The following ZNF106 variants were observed in gnomAD, a reference collection of about 807,000 sequenced individuals.
The protein encoded by ZNF106 is SH3-domain binding protein 3.
A neutral mutation model predicts 195.1 loss-of-function variants in ZNF106; 67 were observed. That is an observed-to-expected ratio of 0.34 (90% confidence interval 0.28 to 0.42). The LOEUF (loss-of-function observed/expected upper bound fraction) is 0.42, where lower values mean the gene tolerates loss of function less well. Ranked by LOEUF, ZNF106 falls within the 10% of genes least tolerant of loss-of-function variation. The pLI, the probability that ZNF106 is intolerant of heterozygous loss-of-function variation, is 1.00. For missense variants in ZNF106, 2,118 were observed against 2,304.5 expected (o/e 0.92, Z 1.66); for synonymous variants, 784 against 818.6 (o/e 0.96, Z 0.72).
Position 42,416,224 on chromosome 15 carries a change from T to G in ZNF106, c.*1080A>C, listed in dbSNP as rs976181038. On this transcript the variant is annotated 3_prime_UTR_variant, in exon 22 of 22. Transcript: ENST00000564754. ...TAGCAGGGAAGTGAAGGCAAAGAAC[T>G]GTCTCAGAAACAAGTCTCTAGGAAG... 1.3e-5 allele frequency: 2 copies of G among 152,204 alleles called. No individual in the cohort carries two copies. The highest frequency in any genetic ancestry group is 4.8e-5 in the African/African-American group (2 of 41,424). The allele number at this position is 152,204 out of a possible 1,614,324, so 9.4% of individuals were successfully genotyped here.
chr15:42,470,667 T>C (rs574142567), intron 2 of ZNF106, among the ~76,000 whole-genome samples: 1 of 152,262 alleles, frequency 6.6e-6, no homozygotes, highest in East Asian at 1.9e-4. Context: ...CAGAAAGATT[T>C]AAAATGGCAA....
rs552325544 is a variant in ZNF106, at chr15:42,431,389, CTT to C, written c.4882-3257_4882-3256del. 1.4e-3 allele frequency among the ~76,000 whole-genome samples: 170 copies of C among 121,054 alleles called. 1 individual carries two copies. The highest frequency in any genetic ancestry group is 4.2e-3 in the African/African-American group (139 of 33,264). 79.4% of individuals were successfully genotyped at this position (121,054 alleles called of 152,430 possible). On this transcript the variant is annotated intron_variant, in intron 14 of 21. Coordinates refer to ENST00000564754, the MANE Select transcript of ZNF106 (RefSeq NM_001366845.3). ...TGATCGTTAATGATGTTATACGGTT[CTT>C]TTTTTTTTTTTTTTTTCTTGAAATG... is the stretch of plus-strand genomic sequence containing the variant.
Position 42,435,427 on chromosome 15 carries a change from T to TA in ZNF106, c.4837dup (p.Tyr1613LeufsTer6). The TA allele has an allele frequency of 6.2e-7, 1 of 1,614,154 alleles. No homozygotes were observed. The highest frequency in any genetic ancestry group is 8.5e-7 in the Non-Finnish European group (1 of 1,180,032). ...GATGGTATGGTCACTGGACCCGGTG[T>TA]AAAGGGCAGCATTCTTCCCGGAGGT... On this transcript the variant is annotated frameshift_variant, in exon 14 of 22. Coordinates refer to ENST00000564754, the MANE Select transcript of ZNF106 (RefSeq NM_001366845.3). LOFTEE classifies it high-confidence loss of function.
At chr15:42,459,173 T>C (rs2056323478) in intron 3 of ZNF106, among the ~76,000 whole-genome samples, 2 of 152,208 alleles carry the variant, frequency 1.3e-5, no homozygotes, top group Middle Eastern at 6.8e-3. Context: ...ACTACATTTA[T>C]ACACTTAAAG....
At chr15:42,456,247 C>T (rs750208772) in intron 4 of ZNF106, among the ~76,000 whole-genome samples, 3 of 152,106 alleles carry the variant, frequency 2.0e-5, no homozygotes, top group Admixed American at 1.3e-4. Flanking sequence ...GTTATTTTGG[C>T]GATACGACTA....
Position 42,417,816 on chromosome 15 carries a change from C to G in ZNF106, c.5653G>C (p.Gly1885Arg), listed in dbSNP as rs761557762. ...TCCCACTAATGTACCTGTTTGGATCCTTTCCTAGCAGTGAAAAAAGCATCG... is the reference window on the plus strand; with the variant it reads ...TCCCACTAATGTACCTGTTTGGATCGTTTCCTAGCAGTGAAAAAAGCATCG... ...NCDAFFTARK[G>R]SKQDAAGHIE... Residue 1885 changes from glycine (G) to arginine (R), a missense_variant, in exon 21 of 22, where the codon GGA (glycine) becomes CGA (arginine). Gly to Arg is a moderately radical substitution (Grantham distance 125). Coordinates refer to ENST00000564754, the MANE Select transcript of ZNF106 (RefSeq NM_001366845.3). 8 of 1,613,330 alleles carry G rather than the reference C, an allele frequency of 5.0e-6. 1 individual carries two copies. In the South Asian group the frequency reaches 8.8e-5, roughly 18 times the overall value.
At chr15:42,435,291 G>A (rs1051184880) in intron 14 of ZNF106, 93 bp downstream of exon 14, 2 of 1,535,866 alleles carry the variant, frequency 1.3e-6, no homozygotes, top group Non-Finnish European at 1.8e-6. Flanking sequence ...ATGGTGGGTA[G>A]AATGAAGCGT....
In ZNF106 at chr15:42,415,882, C is replaced by T. The variant is rs1142536; in HGVS notation, c.*1422G>A. 8,035 of 153,020 alleles carry T rather than the reference C, an allele frequency of 0.053. 634 individuals are homozygous for T. The highest frequency in any genetic ancestry group is 0.17 in the African/African-American group (7,033 of 41,454). 9.5% of individuals were successfully genotyped at this position (153,020 alleles called of 1,614,324 possible). ...CCTCCTGAGCAGCTGGGATTACAGGCGCCCACCACGCCCGGCTTTTTGTAT... is the reference window on the plus strand; with the variant it reads ...CCTCCTGAGCAGCTGGGATTACAGGTGCCCACCACGCCCGGCTTTTTGTAT... On this transcript the variant is annotated 3_prime_UTR_variant, in exon 22 of 22. Coordinates refer to ENST00000564754, the MANE Select transcript of ZNF106 (RefSeq NM_001366845.3).
chr15:42,463,957 T>C (rs564883416), intron 3 of ZNF106, among the ~76,000 whole-genome samples: 2 of 152,304 alleles, frequency 1.3e-5, no homozygotes, highest in South Asian at 4.2e-4. Context: ...TGCTGAAAGT[T>C]TAATAACACA....
rs770906619 is a variant in ZNF106 at position 42,424,978 on chromosome 15, G to A, written c.5046C>T (p.Val1682=). ...CTTCCTGAGCTGTAGCAAGACAGCT[G>A]ACTGCCCGAGGGCCATGGCATTCAA... The part of the protein sequence containing the change: ...EIFECHGPRA[V]SCLATAQEGA... The change falls in exon 16 of 22, where the codon GTC becomes GTT. Residue 1682 remains valine (V), a synonymous_variant. Coordinates refer to ENST00000564754, the MANE Select transcript of ZNF106 (RefSeq NM_001366845.3). The A allele has an allele frequency of 1.2e-5, 19 of 1,614,068 alleles. No individual in the cohort carries two copies. The South Asian group carries it at 2.1e-4, about 18-fold the overall frequency.
At chr15:42,457,421 T>G in intron 3 of ZNF106, 1 of 1,348,552 alleles carries the variant, frequency 7.4e-7, no homozygotes. Flanking sequence ...TCTTCTTGAA[T>G]TGCTGTACTT....
chr15:42,485,579 GGT>G (rs138370396), intron 1 of ZNF106, among the ~76,000 whole-genome samples: 1 of 151,860 alleles, frequency 6.6e-6, no homozygotes, highest in Non-Finnish European at 1.5e-5. Flanking sequence ...AGTGAGTGTG[GGT>G]GTGTGTGTGT....
intron 7 of ZNF106, 81 bp from the exon 8 acceptor site, chr15:42,445,062 C>T: frequency 1.3e-6 from 2 of 1,502,212 alleles, no homozygotes; most frequent in Admixed American, 3.9e-5. Context: ...AAACTATACC[C>T]ATTATTTAGG....
At position 42,417,246 on chromosome 15, in the gene ZNF106, G is replaced by T; in HGVS notation, c.*58C>A. On this transcript the variant is annotated 3_prime_UTR_variant, in exon 22 of 22. Coordinates refer to ENST00000564754, the MANE Select transcript of ZNF106 (RefSeq NM_001366845.3). Reference sequence around the variant, plus strand: ...GAAAGGGAAGAGAGTGGCCTGTGTGGGGGGCCAATGTGAAAATAGTTCAAC... The same window carrying T: ...GAAAGGGAAGAGAGTGGCCTGTGTGTGGGGCCAATGTGAAAATAGTTCAAC... The T allele has an allele frequency of 1.3e-6, 2 of 1,580,656 alleles. No individual in the cohort carries two copies. The highest frequency in any genetic ancestry group is 1.7e-4 in the Middle Eastern group (1 of 6,002).
At position 42,472,108 on chromosome 15, in the gene ZNF106, T is replaced by C. The variant is rs1222403568; in HGVS notation, c.54+128A>G. 3.5e-5 allele frequency: 32 copies of C among 915,062 alleles called. No individual in the cohort carries two copies. The Admixed American group carries it at 8.3e-4, about 24-fold the overall frequency. The allele number at this position is 915,062 out of a possible 1,614,324, so 56.7% of individuals were successfully genotyped here. On this transcript the variant is annotated intron_variant, in intron 2 of 21. Transcript: ENST00000564754. Reference sequence around the variant, plus strand: ...TATGGTTTAGGAAAGAAAAGAAGCATAAATAAGACATTGTCAAAGCTTTTC... The same window carrying C: ...TATGGTTTAGGAAAGAAAAGAAGCACAAATAAGACATTGTCAAAGCTTTTC...
At position 42,417,123 on chromosome 15, in the gene ZNF106, G is replaced by T; in HGVS notation, c.*181C>A. 1 of 594,110 alleles carries T rather than the reference G, an allele frequency of 1.7e-6. No homozygotes were observed. Among genetic ancestry groups the T allele is most frequent in the Non-Finnish European group, 2.9e-6 (1 of 339,942 alleles). 36.8% of individuals were successfully genotyped at this position (594,110 alleles called of 1,614,324 possible). A position where few individuals can be genotyped will look rare whatever the true frequency, so the allele number is the denominator to read the frequency against. Reference sequence around the variant, plus strand: ...TAAATCTATTTAAAACCTCCAGCAAGAACTTAAAAGTGTAATTTATCATCC... The same window carrying T: ...TAAATCTATTTAAAACCTCCAGCAATAACTTAAAAGTGTAATTTATCATCC... On this transcript the variant is annotated 3_prime_UTR_variant, in exon 22 of 22. Coordinates refer to ENST00000564754, the MANE Select transcript of ZNF106 (RefSeq NM_001366845.3).
At chr15:42,449,619 A>T in intron 5 of ZNF106, 152 bp downstream of exon 5, 1 of 1,083,376 alleles carries the variant, frequency 9.2e-7, no homozygotes, top group Non-Finnish European at 1.3e-6. Flanking sequence ...ATAGAGTATC[A>T]GTCACTATTT....
chr15:42,483,384 C>T (rs926746957), intron 1 of ZNF106, among the ~76,000 whole-genome samples: 3 of 152,146 alleles, frequency 2.0e-5, no homozygotes, highest in Non-Finnish European at 2.9e-5. Context: ...GAAGACATAT[C>T]CTCCATCATG....
chr15:42,422,107 A>G, intron 18 of ZNF106, 119 bp from the exon 19 acceptor site: 1 of 710,554 alleles, frequency 1.4e-6, no homozygotes, highest in Non-Finnish European at 2.1e-6. Context: ...TGGAAGCACC[A>G]GTAGCATTCT....
Sources: allele counts gnomAD v4.1 joint callset (sites outside exome capture counted in the v4.1 genomes callset), GRCh38; gene constraint gnomAD v4.1.1; transcripts MANE v1.5; gene names NCBI Gene and HGNC (gene_info 2026-07-23, HGNC 2026-07-21).